Variants in ZFHX3 observed in about 807,000 individuals in gnomAD.
ZFHX3 encodes zinc finger homeobox protein 3.
In ZFHX3, 42 loss-of-function variants were observed where a neutral mutation model predicts 279.1. The ratio of observed to expected loss-of-function variants is 0.15; its 90% confidence interval spans 0.12 to 0.19. The LOEUF is 0.19. Ranked by LOEUF, ZFHX3 falls within the 10% of genes least tolerant of loss-of-function variation. The pLI is 1.00. For missense variants in ZFHX3, 4,981 were observed against 4,754.0 expected, an observed-to-expected ratio of 1.05 and a Z score of -1.40; for synonymous variants, 2,293 against 1,957.8, an observed-to-expected ratio of 1.17 and a Z score of -4.52.
At position 73,012,532 on chromosome 16, in the gene ZFHX3, G is replaced by A. The variant is rs967293798; in HGVS notation, c.-50+35220C>T. 6.6e-5 allele frequency among the ~76,000 whole-genome samples: 10 copies of A among 152,046 alleles called. No individual in the cohort carries two copies. In the East Asian group the frequency reaches 1.2e-3, roughly 18 times the overall value. ...AGTGTAGGGAGGGGCCCAAGCCCACGGCCGGTGCCCAACGGTGGCTACACA... is the reference window on the plus strand; with the variant it reads ...AGTGTAGGGAGGGGCCCAAGCCCACAGCCGGTGCCCAACGGTGGCTACACA... On this transcript the variant is annotated intron_variant, in intron 1 of 9. Transcript: ENST00000268489.
At chr16:73,497,143 G>A (rs890069703) in intron 2 of ZFHX3, among the ~76,000 whole-genome samples, 3 of 152,130 alleles carry the variant, frequency 2.0e-5, no homozygotes, top group African/African-American at 7.2e-5. Flanking sequence ...TTATATATAG[G>A]TTCTGCCTTC....
At chr16:73,507,018 G>A (rs976653425) in intron 2 of ZFHX3, among the ~76,000 whole-genome samples, 4 of 152,146 alleles carry the variant, frequency 2.6e-5, no homozygotes, top group African/African-American at 4.8e-5. Flanking sequence ...AGTGGAATGC[G>A]TCTTCCTTCG....
chr16:73,122,933 T>G (rs1447610089), intron 7 of ZFHX3, among the ~76,000 whole-genome samples: 1 of 151,988 alleles, frequency 6.6e-6, no homozygotes, highest in Non-Finnish European at 1.5e-5. Context: ...AAGAAAAGAT[T>G]CTTTTAAAAA....
intron 2 of ZFHX3, among the ~76,000 whole-genome samples, chr16:73,553,741 A>T (rs1473155651): frequency 6.6e-6 from 1 of 152,226 alleles, no homozygotes; most frequent in Non-Finnish European, 1.5e-5. Context: ...CTGGCTAGAT[A>T]GCACCATAGA....
At chr16:73,571,578 C>T (rs1455736023) in intron 2 of ZFHX3, among the ~76,000 whole-genome samples, 1 of 152,060 alleles carries the variant, frequency 6.6e-6, no homozygotes, top group South Asian at 2.1e-4. Flanking sequence ...TTTTACACCA[C>T]CTTTGGTGTA....
chr16:73,852,699 C>G (rs1961620383), intron 1 of ZFHX3, among the ~76,000 whole-genome samples: 1 of 152,102 alleles, frequency 6.6e-6, no homozygotes, highest in South Asian at 2.1e-4. Flanking sequence ...GCTTTCTCAC[C>G]CAGGCAAGAA....
chr16:73,727,438 C>T (rs1304237143), intron 1 of ZFHX3, among the ~76,000 whole-genome samples: 1 of 152,190 alleles, frequency 6.6e-6, no homozygotes, highest in Non-Finnish European at 1.5e-5. Flanking sequence ...ATTAACCCAA[C>T]ATCTACCCTA....
rs758466688 is a variant in ZFHX3, at chr16:72,829,871, G to T, written c.3449-12C>A. 1.2e-6 allele frequency: 2 copies of T among 1,614,022 alleles called. No individual in the cohort carries two copies. Among genetic ancestry groups the T allele is most frequent in the Non-Finnish European group, 1.7e-6 (2 of 1,179,950 alleles). On this transcript the variant is annotated splice_polypyrimidine_tract_variant and intron_variant, in intron 4 of 9. Coordinates refer to ENST00000268489, the MANE Select transcript of ZFHX3 (RefSeq NM_006885.4). ...TTCAATGGCTTCTTCTGAAACAGAAGAAAAACATGTCAAGGGTTAAAAATA... is the reference window on the plus strand; with the variant it reads ...TTCAATGGCTTCTTCTGAAACAGAATAAAAACATGTCAAGGGTTAAAAATA...
At chr16:73,513,957 A>C (rs1163015590) in intron 2 of ZFHX3, among the ~76,000 whole-genome samples, 3 of 152,196 alleles carry the variant, frequency 2.0e-5, no homozygotes, top group African/African-American at 7.2e-5. Context: ...AGGCTGCACA[A>C]AGAAAGTGAT....
chr16:73,351,440 C>T (rs569478717), intron 3 of ZFHX3, among the ~76,000 whole-genome samples: 10 of 152,338 alleles, frequency 6.6e-5, no homozygotes, highest in South Asian at 4.1e-4. Flanking sequence ...TGCATTTAAA[C>T]GCTGCTGGTC....
At chr16:73,781,494 C>T (rs972755312) in intron 1 of ZFHX3, among the ~76,000 whole-genome samples, 3 of 152,174 alleles carry the variant, frequency 2.0e-5, no homozygotes, top group African/African-American at 7.2e-5. Context: ...CCACACTCAT[C>T]ATTTGCATAA....
intron 1 of ZFHX3, among the ~76,000 whole-genome samples, chr16:73,804,481 T>A (rs1440331623): frequency 6.6e-6 from 1 of 152,166 alleles, no homozygotes; most frequent in African/African-American, 2.4e-5. Context: ...TCAGAAACAT[T>A]GATTAAATGC....
chr16:73,306,865 G>A (rs2015193983), intron 4 of ZFHX3, among the ~76,000 whole-genome samples: 1 of 152,154 alleles, frequency 6.6e-6, no homozygotes, highest in African/African-American at 2.4e-5. Flanking sequence ...TAGCCTCCTG[G>A]GGCAGTGTGA....
chr16:72,810,687 C>T lies in ZFHX3; in HGVS notation c.3864+890G>A, dbSNP rs142081018. Among the ~76,000 whole-genome samples, 750 of 152,258 alleles carry T rather than the reference C, an allele frequency of 4.9e-3. 12 individuals carry two copies. Among genetic ancestry groups the T allele is most frequent in the African/African-American group, 0.015 (633 of 41,544 alleles). On this transcript the variant is annotated intron_variant, in intron 7 of 9. Transcript: ENST00000268489. The stretch of plus-strand genomic sequence containing the variant: ...TGTTCAAATGCAAAACCCACATTCA[C>T]GAATCAGCAATATCCAGCTCACCAT...
intron 4 of ZFHX3, among the ~76,000 whole-genome samples, chr16:73,300,157 G>C (rs760312882): frequency 2.6e-5 from 4 of 151,722 alleles, no homozygotes; most frequent in Non-Finnish European, 5.9e-5. Context: ...CTACTCAGGA[G>C]ACTGAGGCTT....
At chr16:73,509,491 G>C (rs541316413) in intron 2 of ZFHX3, among the ~76,000 whole-genome samples, 3 of 146,078 alleles carry the variant, frequency 2.1e-5, no homozygotes, top group Admixed American at 2.1e-4. Context: ...TCCCACCTTG[G>C]TCCAGACAGT....
At chr16:73,707,529 G>C (rs1336893159) in intron 1 of ZFHX3, among the ~76,000 whole-genome samples, 4 of 136,446 alleles carry the variant, frequency 2.9e-5, no homozygotes, top group South Asian at 4.6e-4. Flanking sequence ...TCATAGGTGG[G>C]AACTGAACAA....
chr16:72,911,073 A>C (rs1334383433), intron 3 of ZFHX3, among the ~76,000 whole-genome samples: 1 of 152,204 alleles, frequency 6.6e-6, no homozygotes, highest in Non-Finnish European at 1.5e-5. Flanking sequence ...TGAATAACCC[A>C]GCACAAAGAT....
rs2035931945 is a variant in ZFHX3 at position 72,797,007 on chromosome 16, T to C, written c.5675A>G (p.Glu1892Gly). The C allele has an allele frequency of 5.0e-6, 8 of 1,613,964 alleles. No homozygotes were observed. The highest frequency in any genetic ancestry group is 1.3e-5 in the African/African-American group (1 of 74,906). The change falls in exon 9 of 10, where the codon GAG (glutamate) becomes GGG (glycine). Residue 1892 changes from glutamate (E) to glycine (G), a missense_variant. By Grantham distance (98) the Glu-to-Gly change is moderately conservative (BLOSUM62 -2). Transcript: ENST00000268489. ...CTCTCCCCCCTCGGCGCTGTCCCTC[T>C]CTCTCTGGCTTTCTTTTTCCTTTTC... The part of the protein sequence containing the change: ...IKEKEKESQR[E>G]RDSAEGGEGN...
Sources: allele counts gnomAD v4.1 joint callset (sites outside exome capture counted in the v4.1 genomes callset), GRCh38; gene constraint gnomAD v4.1.1; transcripts MANE v1.5; gene names NCBI Gene and HGNC (gene_info 2026-07-23, HGNC 2026-07-21).